The following CD302 variants were observed in gnomAD, a reference collection of about 807,000 sequenced individuals.
The protein encoded by CD302 is CD302 antigen.
CD302 carries 23 observed loss-of-function variants against 26.5 expected under a neutral mutation model. The observed-to-expected ratio is 0.87, with a 90% CI of 0.62 to 1.23. The LOEUF (loss-of-function observed/expected upper bound fraction) is 1.23. Among genes scored for constraint, CD302 ranks in the 50% most tolerant of loss-of-function variants. CD302 has a pLI of 0.00. For synonymous variants in CD302, 90 were observed against 99.4 expected (o/e 0.91, Z 0.56); for missense variants, 290 against 275.5 (o/e 1.05, Z -0.37).
intron 1 of CD302, among the ~76,000 whole-genome samples, chr2:159,795,266 T>G (rs1708922342): frequency 6.6e-6 from 1 of 151,520 alleles, no homozygotes; most frequent in African/African-American, 2.4e-5. Flanking sequence ...CAGCAATAGA[T>G]TAAGATGATT....
At chr2:159,776,629 TCTC>T (rs1382459403) in intron 5 of CD302, among the ~76,000 whole-genome samples, 2 of 152,016 alleles carry the variant, frequency 1.3e-5, no homozygotes, top group Non-Finnish European at 2.9e-5. Context: ...ACACTTCTTT[TCTC>T]CTCCTCTGTC....
At position 159,772,327 on chromosome 2, in the gene CD302, G is replaced by A. The variant is rs565404191; in HGVS notation, c.497-274C>T. Among the ~76,000 whole-genome samples, 9 of 152,252 alleles carry A rather than the reference G, an allele frequency of 5.9e-5. No homozygotes were observed. In the East Asian group the frequency reaches 1.7e-3, roughly 29 times the overall value. On this transcript the variant is annotated intron_variant, in intron 5 of 5. Transcript: ENST00000259053. ...TCACGCAAGTATATACCATGCTCCAGTTTGTCTTCCTTCGCTTTACTTTCT... is the reference window on the plus strand; with the variant it reads ...TCACGCAAGTATATACCATGCTCCAATTTGTCTTCCTTCGCTTTACTTTCT...
chr2:159,772,969 T>C (rs941904740), intron 5 of CD302, among the ~76,000 whole-genome samples: 5 of 152,028 alleles, frequency 3.3e-5, no homozygotes, highest in Non-Finnish European at 5.9e-5. Context: ...TAAAATTTGG[T>C]AGTAAAGATT....
At chr2:159,779,859 T>C in intron 4 of CD302, 146 bp downstream of exon 4, 1 of 948,910 alleles carries the variant, frequency 1.1e-6, no homozygotes, top group Non-Finnish European at 1.5e-6. Context: ...TGCCTCAGTT[T>C]ACCATAATGC....
intron 1 of CD302, among the ~76,000 whole-genome samples, chr2:159,784,546 A>G (rs750571538): frequency 4.9e-4 from 75 of 151,762 alleles, no homozygotes; most frequent in Non-Finnish European, 9.0e-4. Context: ...TGTAGAGACA[A>G]GGTTTCGCCA....
At chr2:159,783,245 T>C in intron 2 of CD302, 114 bp downstream of exon 2, 1 of 792,978 alleles carries the variant, frequency 1.3e-6, no homozygotes, top group Non-Finnish European at 1.9e-6. Flanking sequence ...AGTTGTACAT[T>C]AAATCTCAGG....
intron 1 of CD302, among the ~76,000 whole-genome samples, chr2:159,784,603 G>A (rs936396122): frequency 1.2e-4 from 18 of 151,848 alleles, no homozygotes; most frequent in African/African-American, 3.9e-4. Context: ...CGATCCACCC[G>A]CCTTGGTCTC....
At chr2:159,787,698 C>T (rs2125809895) in intron 1 of CD302, among the ~76,000 whole-genome samples, 1 of 152,286 alleles carries the variant, frequency 6.6e-6, no homozygotes, top group East Asian at 1.9e-4. Context: ...CTCTCTGTTG[C>T]TCTTCATTCC....
intron 4 of CD302, among the ~76,000 whole-genome samples, chr2:159,779,230 C>CAAAAAAAA (rs10710620): frequency 2.1e-5 from 1 of 47,770 alleles, no homozygotes; most frequent in African/African-American, 1.0e-4. Flanking sequence ...GACTGCATCG[C>CAAAAAAAA]AAAAAAAAAA....
chr2:159,782,573 C>T (rs987727045), intron 2 of CD302, among the ~76,000 whole-genome samples: 1 of 151,610 alleles, frequency 6.6e-6, no homozygotes, highest in Non-Finnish European at 1.5e-5. Flanking sequence ...TCTCTACAAA[C>T]AAACAGATAA....
intron 1 of CD302, among the ~76,000 whole-genome samples, chr2:159,793,868 G>A (rs1420035103): frequency 6.6e-6 from 1 of 152,054 alleles, no homozygotes. Context: ...CTGTTATAAT[G>A]TATATTCATA....
chr2:159,781,044 A>G (rs758118638), intron 2 of CD302, 46 bp from the exon 3 acceptor site: 1 of 1,482,254 alleles, frequency 6.7e-7, no homozygotes, highest in Admixed American at 2.0e-5. Flanking sequence ...TTCCAGAATC[A>G]GTGAAAATCA....
At chr2:159,794,922 G>A (rs1238856793) in intron 1 of CD302, among the ~76,000 whole-genome samples, 5 of 151,536 alleles carry the variant, frequency 3.3e-5, no homozygotes, top group African/African-American at 1.2e-4. Context: ...CCATACACAA[G>A]AGTCAGAAAA....
At chr2:159,788,230 C>T (rs1167920321) in intron 1 of CD302, among the ~76,000 whole-genome samples, 1 of 152,044 alleles carries the variant, frequency 6.6e-6, no homozygotes, top group Admixed American at 6.5e-5. Context: ...AGTCATGCAC[C>T]ATATAATGAC....
At chr2:159,776,518 A>G (rs769929085) in intron 5 of CD302, among the ~76,000 whole-genome samples, 1 of 152,010 alleles carries the variant, frequency 6.6e-6, no homozygotes, top group Non-Finnish European at 1.5e-5. Context: ...CATTCCTACC[A>G]CAAGAGTTCC....
intron 1 of CD302, among the ~76,000 whole-genome samples, chr2:159,792,985 G>A (rs1708849487): frequency 6.6e-6 from 1 of 152,182 alleles, no homozygotes; most frequent in African/African-American, 2.4e-5. Flanking sequence ...CTCAAATAGA[G>A]GCTGGATAAC....
Position 159,783,473 on chromosome 2 carries a change from T to C in CD302, c.68-4A>G. Reference sequence around the variant, plus strand: ...ATCCAAGTAGATGAAGGACAGTCTATGTAGAAAAAAGAAGAACACTGTTAA... The same window carrying C: ...ATCCAAGTAGATGAAGGACAGTCTACGTAGAAAAAAGAAGAACACTGTTAA... On this transcript the variant is annotated splice_region_variant and splice_polypyrimidine_tract_variant and intron_variant, in intron 1 of 5. Coordinates refer to ENST00000259053, the MANE Select transcript of CD302 (RefSeq NM_014880.5). 6.3e-7 allele frequency: 1 copy of C among 1,582,902 alleles called. No homozygotes were observed. Among genetic ancestry groups the C allele is most frequent in the Non-Finnish European group, 8.5e-7 (1 of 1,170,238 alleles).
rs1708130420 is a variant in CD302 at position 159,771,017 on chromosome 2, G to T, written c.*834C>A. 1 of 152,128 alleles carries T rather than the reference G, an allele frequency of 6.6e-6. No individual in the cohort carries two copies. The highest frequency in any genetic ancestry group is 1.5e-5 in the Non-Finnish European group (1 of 67,966). 9.4% of individuals were successfully genotyped at this position (152,128 alleles called of 1,614,324 possible). ...GTACAATAAATGCACTGAAAACTTT[G>T]ATCACTGTCACTACAGTTGTACTTA... On this transcript the variant is annotated 3_prime_UTR_variant, in exon 6 of 6. Coordinates refer to ENST00000259053, the MANE Select transcript of CD302 (RefSeq NM_014880.5).
At chr2:159,775,069 C>G (rs1205477180) in intron 5 of CD302, among the ~76,000 whole-genome samples, 1 of 152,202 alleles carries the variant, frequency 6.6e-6, no homozygotes, top group Admixed American at 6.5e-5. Flanking sequence ...TGCAACACCT[C>G]CCTTCTTGCA....
Sources: gnomAD v4.1 joint callset for allele counts (sites outside exome capture counted in the v4.1 genomes callset) on GRCh38, gnomAD v4.1.1 for gene constraint, MANE v1.5 for transcripts, NCBI Gene and HGNC (gene_info 2026-07-23, HGNC 2026-07-21) for gene names.